Variants in IL1RAPL1 observed in about 807,000 individuals in gnomAD.
IL1RAPL1 encodes the protein interleukin-1 receptor accessory protein-like 1.
A neutral mutation model predicts 48.4 loss-of-function variants in IL1RAPL1; 3 were observed. That is an observed-to-expected ratio of 0.06 (90% CI 0.03 to 0.16). The LOEUF is 0.16. IL1RAPL1 is among the 10% of genes least tolerant of loss of function. The pLI is 1.00. For missense variants in IL1RAPL1, 349 were observed against 530.6 expected (o/e 0.66, Z 3.36); for synonymous variants, 185 against 187.7 (o/e 0.99, Z 0.12).
intron 2 of IL1RAPL1, among the ~76,000 whole-genome samples, chrX:28,886,242 G>A (rs188590433): frequency 3.2e-3 from 337 of 105,949 alleles, no homozygotes; most frequent in African/African-American, 0.011. Context: ...TTTTTACATT[G>A]TTTTTTTTTC....
chrX:29,614,388 A>G (rs1360913428), intron 5 of IL1RAPL1, among the ~76,000 whole-genome samples: 1 of 112,403 alleles, frequency 8.9e-6, no homozygotes, highest in Admixed American at 9.4e-5. Context: ...CAAGATTTTG[A>G]AAAGTAGTTT....
chrX:29,725,443 T>C (rs1405910471), intron 6 of IL1RAPL1, among the ~76,000 whole-genome samples: 1 of 111,642 alleles, frequency 9.0e-6, no homozygotes, highest in Non-Finnish European at 1.9e-5. Context: ...ATATCCCTTG[T>C]TCTCTAGTCA....
chrX:29,373,082 GTAAT>G (rs2147668026), intron 3 of IL1RAPL1, among the ~76,000 whole-genome samples: 1 of 111,167 alleles, frequency 9.0e-6, no homozygotes, highest in Admixed American at 9.6e-5. Flanking sequence ...ATTTATTTGT[GTAAT>G]CTCTTAGTTC....
At chrX:28,615,180 G>A (rs986004519) in intron 1 of IL1RAPL1, among the ~76,000 whole-genome samples, 3 of 96,738 alleles carry the variant, frequency 3.1e-5, no homozygotes, top group Non-Finnish European at 6.0e-5. Flanking sequence ...GAGGCACTGC[G>A]CCTGGCCAAC....
At chrX:29,838,691 C>T (rs1324445401) in intron 6 of IL1RAPL1, among the ~76,000 whole-genome samples, 2 of 111,932 alleles carry the variant, frequency 1.8e-5, no homozygotes, top group East Asian at 5.6e-4. Context: ...AGAATCCAGC[C>T]CCACTTCTTA....
intron 2 of IL1RAPL1, among the ~76,000 whole-genome samples, chrX:28,968,423 C>T (rs188946761): frequency 9.0e-6 from 1 of 111,207 alleles, no homozygotes; most frequent in African/African-American, 3.3e-5. Context: ...GTTCTGGTCC[C>T]GCCACTTCCA....
intron 2 of IL1RAPL1, among the ~76,000 whole-genome samples, chrX:29,255,138 T>TGC (rs1402445676): frequency 1.6e-4 from 15 of 94,987 alleles, no homozygotes; most frequent in East Asian, 1.2e-3. Flanking sequence ...TGTGTGTGTG[T>TGC]GTGCGTGTGT....
intron 2 of IL1RAPL1, among the ~76,000 whole-genome samples, chrX:29,008,545 A>G (rs1926045202): frequency 8.9e-6 from 1 of 112,671 alleles, no homozygotes; most frequent in Non-Finnish European, 1.9e-5. Context: ...ATTTTATAAC[A>G]TAAACATATA....
At chrX:29,497,001 A>G (rs758499522) in intron 5 of IL1RAPL1, among the ~76,000 whole-genome samples, 1 of 113,014 alleles carries the variant, frequency 8.8e-6, no homozygotes. Context: ...CAAATCCTCC[A>G]ATATTTGAGG....
intron 3 of IL1RAPL1, among the ~76,000 whole-genome samples, chrX:29,353,383 T>A (rs1463233135): frequency 9.0e-6 from 1 of 111,549 alleles, no homozygotes; most frequent in African/African-American, 3.3e-5. Context: ...TTGGGGAATT[T>A]TATCATGTAT....
At chrX:28,969,908 CATATATATGTTTCTAAACACAT>C (rs1925020035) in intron 2 of IL1RAPL1, among the ~76,000 whole-genome samples, 1 of 106,575 alleles carries the variant, frequency 9.4e-6, no homozygotes, top group Non-Finnish European at 2.0e-5. Context: ...TCTAAACACA[CATATATATGTTTCTAAACACAT>C]ATATATGTTT....
chrX:29,324,540 T>TG (rs1168567815), intron 3 of IL1RAPL1, among the ~76,000 whole-genome samples: 46 of 111,774 alleles, frequency 4.1e-4, no homozygotes, highest in African/African-American at 1.2e-3. Flanking sequence ...CTCTCTGGTA[T>TG]GGGGGATCTT....
chrX:29,370,408 A>G (rs1933528479), intron 3 of IL1RAPL1, among the ~76,000 whole-genome samples: 2 of 110,457 alleles, frequency 1.8e-5, no homozygotes, highest in South Asian at 7.6e-4. Context: ...ACTTTTCCAC[A>G]AGCCTTGCGT....
At chrX:29,692,153 A>G (rs910724280) in intron 6 of IL1RAPL1, among the ~76,000 whole-genome samples, 1 of 112,190 alleles carries the variant, frequency 8.9e-6, no homozygotes, top group Admixed American at 9.4e-5. Context: ...ACCCAGAGGT[A>G]AACACCTGCA....
intron 1 of IL1RAPL1, among the ~76,000 whole-genome samples, chrX:28,749,950 T>C (rs903887352): frequency 9.3e-6 from 1 of 107,095 alleles, no homozygotes; most frequent in Non-Finnish European, 1.9e-5. Context: ...AATTAATCAC[T>C]TTCTACATTT....
chrX:29,461,240 C>A (rs751950376), intron 5 of IL1RAPL1, among the ~76,000 whole-genome samples: 1 of 111,672 alleles, frequency 9.0e-6, no homozygotes, highest in African/African-American at 3.2e-5. Flanking sequence ...TACCACATTG[C>A]ACCCACTAGA....
intron 5 of IL1RAPL1, among the ~76,000 whole-genome samples, chrX:29,619,680 C>T (rs1459165164): frequency 9.0e-6 from 1 of 111,404 alleles, no homozygotes; most frequent in Non-Finnish European, 1.9e-5. Flanking sequence ...CTAATCAATG[C>T]CACTAGAGCC....
intron 6 of IL1RAPL1, among the ~76,000 whole-genome samples, chrX:29,863,909 C>T (rs187727702): frequency 1.4e-3 from 153 of 111,770 alleles, no homozygotes; most frequent in Non-Finnish European, 1.4e-3. Flanking sequence ...GCCTCAGCCT[C>T]CCAAGTAGCT....
chrX:29,198,670 A>G (rs1481264154), intron 2 of IL1RAPL1, among the ~76,000 whole-genome samples: 1 of 111,413 alleles, frequency 9.0e-6, no homozygotes, highest in African/African-American at 3.3e-5. Context: ...AGGCAATGGC[A>G]ATTGTTGGCC....
Sources: allele counts gnomAD v4.1 joint callset (sites outside exome capture counted in the v4.1 genomes callset), GRCh38; gene constraint gnomAD v4.1.1; transcripts MANE v1.5; gene names NCBI Gene and HGNC (gene_info 2026-07-23, HGNC 2026-07-21).